Variants in ZBTB20 observed in about 807,000 individuals in gnomAD.
ZBTB20 encodes zinc finger and BTB domain containing 20, also known as zinc finger and BTB domain-containing protein 20.
In ZBTB20, 9 loss-of-function variants were observed where a neutral mutation model predicts 56.9. That is an observed-to-expected ratio of 0.16 (90% CI 0.10 to 0.28). The LOEUF (loss-of-function observed/expected upper bound fraction) is 0.28. Ranked by LOEUF, ZBTB20 falls within the 10% of genes least tolerant of loss-of-function variation. ZBTB20 has a pLI of 1.00. For missense variants in ZBTB20, 655 were observed against 1,003.0 expected (o/e 0.65, Z 4.69); for synonymous variants, 417 against 420.7 (o/e 0.99, Z 0.11).
intron 1 of ZBTB20, among the ~76,000 whole-genome samples, chr3:115,096,444 G>A (rs962591449): frequency 6.6e-6 from 1 of 152,146 alleles, no homozygotes; most frequent in Non-Finnish European, 1.5e-5. Flanking sequence ...CACCAAAAAT[G>A]TAGTTTGTTA....
At chr3:115,026,126 A>T (rs1380741921) in intron 2 of ZBTB20, among the ~76,000 whole-genome samples, 1 of 150,946 alleles carries the variant, frequency 6.6e-6, no homozygotes, top group African/African-American at 2.4e-5. Context: ...GTATTTTTAC[A>T]GGCTTACAAA....
intron 2 of ZBTB20, among the ~76,000 whole-genome samples, chr3:114,990,841 T>A (rs1048933612): frequency 1.3e-5 from 2 of 152,192 alleles, no homozygotes; most frequent in African/African-American, 4.8e-5. Flanking sequence ...TGGGAGAGTG[T>A]GTGTGTTCAG....
intron 7 of ZBTB20, among the ~76,000 whole-genome samples, chr3:114,402,261 T>C (rs1488526596): frequency 2.0e-5 from 3 of 152,250 alleles, no homozygotes; most frequent in African/African-American, 7.2e-5. Flanking sequence ...GATGAGATGG[T>C]TATATGTCAA....
intron 7 of ZBTB20, among the ~76,000 whole-genome samples, chr3:114,463,901 A>C (rs2092431413): frequency 6.6e-6 from 1 of 152,198 alleles, no homozygotes; most frequent in South Asian, 2.1e-4. Context: ...AGTCCTCTAA[A>C]ATGGAAGGGA....
At chr3:114,518,958 T>A (rs1330213140) in intron 6 of ZBTB20, 1 of 152,254 alleles carries the variant, frequency 6.6e-6, no homozygotes, top group Non-Finnish European at 1.5e-5. Flanking sequence ...CAAAGGTTAA[T>A]AGGGCCAAAG....
chr3:114,986,767 G>C (rs1024748638), intron 2 of ZBTB20, among the ~76,000 whole-genome samples: 1 of 152,042 alleles, frequency 6.6e-6, no homozygotes. Flanking sequence ...CACCAAAACA[G>C]CCACACAATT....
intron 5 of ZBTB20, among the ~76,000 whole-genome samples, chr3:114,748,322 C>CTTTCTTTCTTTCTTTCTTTCTTTCT (rs1553807196): frequency 6.1e-5 from 7 of 114,264 alleles, no homozygotes; most frequent in Non-Finnish European, 1.1e-4. Flanking sequence ...TTCTTTCTTT[C>CTTTCTTTCTTTCTTTCTTTCTTTCT]TTTCTTTCTT....
chr3:114,807,012 C>G (rs1007938644), intron 4 of ZBTB20, among the ~76,000 whole-genome samples: 4 of 151,866 alleles, frequency 2.6e-5, no homozygotes, highest in Non-Finnish European at 5.9e-5. Context: ...GTTTTAAAAC[C>G]AGAAATTGTA....
intron 1 of ZBTB20, among the ~76,000 whole-genome samples, chr3:115,145,300 A>G (rs992689735): frequency 6.6e-6 from 1 of 152,196 alleles, no homozygotes; most frequent in South Asian, 2.1e-4. Flanking sequence ...TAAAGCAAAA[A>G]AGCAAAAAGT....
At chr3:114,884,074 C>T (rs1367062598) in intron 4 of ZBTB20, among the ~76,000 whole-genome samples, 2 of 149,278 alleles carry the variant, frequency 1.3e-5, no homozygotes, top group Admixed American at 6.7e-5. Flanking sequence ...TACAGGCGCC[C>T]GCCACTACGC....
chr3:114,806,634 A>C (rs2072126230), intron 4 of ZBTB20, among the ~76,000 whole-genome samples: 1 of 151,922 alleles, frequency 6.6e-6, no homozygotes, highest in Non-Finnish European at 1.5e-5. Flanking sequence ...ATTTTATTGA[A>C]TCAAGCTTTT....
chr3:114,536,435 T>A (rs1031240048), intron 6 of ZBTB20, among the ~76,000 whole-genome samples: 22 of 152,108 alleles, frequency 1.4e-4, no homozygotes, highest in African/African-American at 5.3e-4. Context: ...TTACAGGGGA[T>A]GTGAAGGACC....
At chr3:114,353,965 A>G (rs554206067) in intron 10 of ZBTB20, among the ~76,000 whole-genome samples, 6 of 152,248 alleles carry the variant, frequency 3.9e-5, no homozygotes, top group African/African-American at 1.4e-4. Context: ...GCTTCATTAT[A>G]TTGCATAGTT....
chr3:115,009,588 G>A (rs2079614376), intron 2 of ZBTB20, among the ~76,000 whole-genome samples: 1 of 151,926 alleles, frequency 6.6e-6, no homozygotes, highest in African/African-American at 2.4e-5. Context: ...ACTGTGATTT[G>A]AATGTATCCC....
chr3:115,040,603 A>G (rs1275097084), intron 2 of ZBTB20, among the ~76,000 whole-genome samples: 1 of 152,194 alleles, frequency 6.6e-6, no homozygotes, highest in Non-Finnish European at 1.5e-5. Context: ...GGTATAAAGT[A>G]TGGAAAGAGT....
chr3:114,873,239 G>A (rs554159150), intron 4 of ZBTB20: 2 of 152,160 alleles, frequency 1.3e-5, no homozygotes, highest in East Asian at 3.9e-4. Flanking sequence ...CCAGTATCTA[G>A]GAGAGTTTAT....
At chr3:115,029,785 A>G (rs1337273348) in intron 2 of ZBTB20, among the ~76,000 whole-genome samples, 1 of 151,032 alleles carries the variant, frequency 6.6e-6, no homozygotes, top group Non-Finnish European at 1.5e-5. Flanking sequence ...AAACCATAAA[A>G]GAAATAGAAG....
At chr3:114,613,831 G>A (rs1349135944) in intron 6 of ZBTB20, among the ~76,000 whole-genome samples, 4 of 152,120 alleles carry the variant, frequency 2.6e-5, no homozygotes, top group African/African-American at 9.7e-5. Context: ...TAGCATAAGA[G>A]TGAGTGATGA....
At chr3:114,499,374 C>T (rs1410784512) in intron 7 of ZBTB20, among the ~76,000 whole-genome samples, 1 of 152,144 alleles carries the variant, frequency 6.6e-6, no homozygotes, top group African/African-American at 2.4e-5. Flanking sequence ...TAGTGGAAGG[C>T]ACGCATAAAC....
Sources: gnomAD v4.1 joint callset for allele counts (sites outside exome capture counted in the v4.1 genomes callset) on GRCh38, gnomAD v4.1.1 for gene constraint, MANE v1.5 for transcripts, NCBI Gene and HGNC (gene_info 2026-07-23, HGNC 2026-07-21) for gene names.